The following PLCL1 variants were observed in gnomAD, a reference collection of about 807,000 sequenced individuals.
PLCL1 encodes inactive phospholipase C-like protein 1.
In PLCL1, 41 loss-of-function variants were observed where a neutral mutation model predicts 84.4. The observed-to-expected ratio is 0.49, with a 90% confidence interval of 0.38 to 0.63. PLCL1 has a LOEUF of 0.63. Ranked by LOEUF, PLCL1 falls within the 30% of genes least tolerant of loss-of-function variation. The pLI, the probability that PLCL1 is intolerant of heterozygous loss-of-function variation, is 0.00. For synonymous variants in PLCL1, 490 were observed against 488.3 expected, an observed-to-expected ratio of 1.00 and a Z score of -0.05; for missense variants, 1,206 against 1,367.8, an observed-to-expected ratio of 0.88 and a Z score of 1.87.
chr2:197,820,372 T>A (rs1342486863), intron 1 of PLCL1, among the ~76,000 whole-genome samples: 1 of 152,132 alleles, frequency 6.6e-6, no homozygotes, highest in Non-Finnish European at 1.5e-5. Flanking sequence ...CCTCTGTGCA[T>A]TGTCAGTGTA....
intron 1 of PLCL1, among the ~76,000 whole-genome samples, chr2:197,976,983 C>T (rs904542905): frequency 6.6e-6 from 1 of 152,198 alleles, no homozygotes; most frequent in Non-Finnish European, 1.5e-5. Flanking sequence ...CCTCTCTACT[C>T]ATGTGGACCG....
At chr2:197,999,093 G>C (rs1251877485) in intron 1 of PLCL1, among the ~76,000 whole-genome samples, 1 of 152,144 alleles carries the variant, frequency 6.6e-6, no homozygotes, top group Non-Finnish European at 1.5e-5. Context: ...AGAGGAACCA[G>C]TATCCTGATC....
chr2:198,106,971 A>T (rs1693491199), intron 5 of PLCL1, among the ~76,000 whole-genome samples: 1 of 151,780 alleles, frequency 6.6e-6, no homozygotes, highest in South Asian at 2.1e-4. Flanking sequence ...CTAAAACTCC[A>T]TCCATGTGGC....
intron 1 of PLCL1, among the ~76,000 whole-genome samples, chr2:197,996,627 A>G (rs534262395): frequency 6.6e-6 from 1 of 152,194 alleles, no homozygotes; most frequent in African/African-American, 2.4e-5. Flanking sequence ...AAAAAAAGCC[A>G]GTGAAGATCA....
At chr2:197,830,735 T>C (rs1691040104) in intron 1 of PLCL1, among the ~76,000 whole-genome samples, 1 of 151,318 alleles carries the variant, frequency 6.6e-6, no homozygotes, top group South Asian at 2.1e-4. Flanking sequence ...TTCACCAAGG[T>C]TGAAATGAAG....
At chr2:198,134,555 G>A (rs1359931892) in intron 5 of PLCL1, among the ~76,000 whole-genome samples, 1 of 152,142 alleles carries the variant, frequency 6.6e-6, no homozygotes, top group African/African-American at 2.4e-5. Flanking sequence ...TAGAAGGGTG[G>A]CTACAAGGCT....
chr2:197,855,209 G>A (rs1020536046), intron 1 of PLCL1, among the ~76,000 whole-genome samples: 3 of 152,174 alleles, frequency 2.0e-5, no homozygotes, highest in African/African-American at 7.2e-5. Context: ...ACTGGCACCT[G>A]ACATTAGTTT....
rs1460692109 is a variant in PLCL1, at chr2:198,069,599, A to G, written c.241-14159A>G. On this transcript the variant is annotated intron_variant, in intron 1 of 5. Transcript: ENST00000428675. ...TTTTAGTTACCATTTCTTATTACTT[A>G]TAATTATATTCTCATTCTGCAGATA... 2.0e-5 allele frequency among the ~76,000 whole-genome samples: 3 copies of G among 152,202 alleles called. No homozygotes were observed. The East Asian group carries it at 5.8e-4, about 29-fold the overall frequency.
Position 197,846,744 on chromosome 2 carries a change from T to G in PLCL1, c.240+41405T>G, listed in dbSNP as rs558634803. On this transcript the variant is annotated intron_variant, in intron 1 of 5. Coordinates refer to ENST00000428675, the MANE Select transcript of PLCL1 (RefSeq NM_006226.4). ...ATTTCACCCAGGCAAGAAAAAGTAG[T>G]GCAAATATTTAGGGTAGGAGGGTGA... Among the ~76,000 whole-genome samples the G allele has an allele frequency of 6.6e-5, 10 of 152,214 alleles. No homozygotes were observed. In the South Asian group the frequency reaches 2.1e-3, roughly 32 times the overall value.
At chr2:197,812,493 G>A (rs1040497428) in intron 1 of PLCL1, among the ~76,000 whole-genome samples, 8 of 152,048 alleles carry the variant, frequency 5.3e-5, no homozygotes, top group African/African-American at 1.9e-4. Context: ...TAGCCATTCT[G>A]GTGTGAGTTA....
intron 1 of PLCL1, among the ~76,000 whole-genome samples, chr2:197,927,966 GA>G (rs955687226): frequency 5.3e-5 from 8 of 152,060 alleles, no homozygotes; most frequent in African/African-American, 1.7e-4. Context: ...TCCATTTTGT[GA>G]AAAATGCACA....
chr2:197,992,127 A>G (rs553285467), intron 1 of PLCL1, among the ~76,000 whole-genome samples: 1 of 152,058 alleles, frequency 6.6e-6, no homozygotes, highest in African/African-American at 2.4e-5. Flanking sequence ...AGTTAGTTAC[A>G]TATGTATACA....
chr2:197,962,247 G>C (rs186351999), intron 1 of PLCL1, among the ~76,000 whole-genome samples: 2 of 152,196 alleles, frequency 1.3e-5, no homozygotes, highest in Admixed American at 6.5e-5. Context: ...GACTGCTGAT[G>C]CTCAGAGTCA....
At chr2:198,130,958 G>A (rs568129347) in intron 5 of PLCL1, among the ~76,000 whole-genome samples, 3 of 152,194 alleles carry the variant, frequency 2.0e-5, no homozygotes, top group East Asian at 3.9e-4. Flanking sequence ...CCCTTCCAGG[G>A]CTTCCCACAG....
intron 1 of PLCL1, among the ~76,000 whole-genome samples, chr2:197,890,396 T>A (rs1687992012): frequency 6.6e-6 from 1 of 152,088 alleles, no homozygotes. Flanking sequence ...AACACCAACC[T>A]TTGGATCACT....
chr2:198,098,310 A>G (rs1464055491), intron 3 of PLCL1, among the ~76,000 whole-genome samples: 4 of 152,192 alleles, frequency 2.6e-5, no homozygotes, highest in African/African-American at 4.8e-5. Context: ...ATTTCTTCCT[A>G]TGTTTCATAT....
At chr2:198,009,282 C>A (rs1595824) in intron 1 of PLCL1, among the ~76,000 whole-genome samples, 3,462 of 151,700 alleles carry the variant, frequency 0.023, 134 homozygotes, top group African/African-American at 0.079. Context: ...GAGGCTTTAC[C>A]CCTATGTTTC....
At chr2:197,914,894 T>C (rs1253162232) in intron 1 of PLCL1, among the ~76,000 whole-genome samples, 2 of 152,170 alleles carry the variant, frequency 1.3e-5, no homozygotes, top group Non-Finnish European at 2.9e-5. Flanking sequence ...AACAGGAGGC[T>C]CTGCAATAGT....
chr2:198,147,156 AAAT>A lies in PLCL1; in HGVS notation c.*195_*197del. On this transcript the variant is annotated 3_prime_UTR_variant, in exon 6 of 6. Transcript: ENST00000428675. The stretch of plus-strand genomic sequence containing the variant: ...TTAAAGCCTTTAGTATCAGTGTTTT[AAAT>A]TCTGAGACATGTGTCAACACCCCTG... 2.1e-6 allele frequency: 1 copy of A among 480,006 alleles called. No individual in the cohort carries two copies. Among genetic ancestry groups the A allele is most frequent in the Non-Finnish European group, 3.7e-6 (1 of 270,780 alleles). 29.7% of individuals were successfully genotyped at this position (480,006 alleles called of 1,614,324 possible). A position where few individuals can be genotyped will look rare whatever the true frequency, so the allele number is the denominator to read the frequency against.
Sources: gnomAD v4.1 joint callset for allele counts (sites outside exome capture counted in the v4.1 genomes callset) on GRCh38, gnomAD v4.1.1 for gene constraint, MANE v1.5 for transcripts, NCBI Gene and HGNC (gene_info 2026-07-23, HGNC 2026-07-21) for gene names.